EXOC4: variants seen among roughly 807,000 people sequenced by gnomAD.
The protein encoded by EXOC4 is exocyst complex component 4.
EXOC4 carries 71 observed loss-of-function variants against 107.2 expected under a neutral mutation model. That is an observed-to-expected ratio of 0.66 (90% CI 0.55 to 0.81). EXOC4 has a LOEUF of 0.81. EXOC4 is among the 30% of genes least tolerant of loss of function. The pLI, the probability that EXOC4 is intolerant of heterozygous loss-of-function variation, is 0.00. For missense variants in EXOC4, 1,108 were observed against 1,189.6 expected, an observed-to-expected ratio of 0.93 and a Z score of 1.01; for synonymous variants, 456 against 441.2, an observed-to-expected ratio of 1.03 and a Z score of -0.42.
At chr7:133,452,159 G>A (rs955560643) in intron 7 of EXOC4, among the ~76,000 whole-genome samples, 13 of 151,946 alleles carry the variant, frequency 8.6e-5, no homozygotes, top group African/African-American at 3.1e-4. Flanking sequence ...GGAAGGAACC[G>A]AAGACAAAAT....
chr7:133,310,576 T>C (rs557750922), intron 4 of EXOC4, among the ~76,000 whole-genome samples: 59 of 152,326 alleles, frequency 3.9e-4, no homozygotes, highest in African/African-American at 1.4e-3. Context: ...ATGGGAAGTC[T>C]GTATAATCAG....
At chr7:133,294,310 T>C (rs1043598731) in intron 3 of EXOC4, among the ~76,000 whole-genome samples, 1 of 152,182 alleles carries the variant, frequency 6.6e-6, no homozygotes. Flanking sequence ...TGCATCAAAC[T>C]AAAATTGCAC....
At chr7:133,946,990 G>A (rs1040511172) in intron 14 of EXOC4, among the ~76,000 whole-genome samples, 3 of 152,040 alleles carry the variant, frequency 2.0e-5, no homozygotes, top group Admixed American at 6.5e-5. Context: ...TTATTCCTTA[G>A]TCTAGGAGAC....
chr7:134,046,515 T>C (rs1314157154), intron 17 of EXOC4, among the ~76,000 whole-genome samples: 2 of 150,426 alleles, frequency 1.3e-5, no homozygotes, highest in East Asian at 1.9e-4. Context: ...CCCTCCTAAG[T>C]CATGGCCCTC....
chr7:133,787,923 G>C (rs1185723904), intron 10 of EXOC4, among the ~76,000 whole-genome samples: 1 of 126,848 alleles, frequency 7.9e-6, no homozygotes, highest in Non-Finnish European at 1.6e-5. Context: ...CACACAGGTA[G>C]CAACCTAGAT....
intron 10 of EXOC4, among the ~76,000 whole-genome samples, chr7:133,693,672 A>T (rs1026903609): frequency 2.6e-5 from 4 of 152,192 alleles, no homozygotes; most frequent in Non-Finnish European, 5.9e-5. Context: ...AATAAAAAAA[A>T]TATAAAATGC....
chr7:133,734,293 C>G (rs973630636), intron 10 of EXOC4, among the ~76,000 whole-genome samples: 4 of 152,102 alleles, frequency 2.6e-5, no homozygotes, highest in Admixed American at 1.3e-4. Context: ...AAAATTAAAC[C>G]TTTTAAGCCT....
chr7:133,571,157 T>C (rs1220196361), intron 9 of EXOC4, among the ~76,000 whole-genome samples: 1 of 152,196 alleles, frequency 6.6e-6, no homozygotes, highest in Non-Finnish European at 1.5e-5. Flanking sequence ...CTTATGTAGC[T>C]CTAGATCATG....
At chr7:133,950,963 A>G (rs902263065) in intron 14 of EXOC4, among the ~76,000 whole-genome samples, 1 of 152,194 alleles carries the variant, frequency 6.6e-6, no homozygotes, top group Non-Finnish European at 1.5e-5. Flanking sequence ...TTTCACAGAA[A>G]TCTTGGAAGT....
chr7:133,346,720 C>G, intron 5 of EXOC4, among the ~76,000 whole-genome samples: 1 of 152,080 alleles, frequency 6.6e-6, no homozygotes, highest in East Asian at 1.9e-4. Flanking sequence ...TCAATAGTGA[C>G]AGTTCTCATG....
intron 7 of EXOC4, among the ~76,000 whole-genome samples, chr7:133,409,181 A>G (rs925972254): frequency 2.0e-5 from 3 of 152,202 alleles, no homozygotes; most frequent in African/African-American, 7.2e-5. Flanking sequence ...AAAATTCAAT[A>G]ACAGAATGAT....
intron 10 of EXOC4, among the ~76,000 whole-genome samples, chr7:133,645,050 C>T (rs1802954355): frequency 6.6e-6 from 1 of 151,220 alleles, no homozygotes; most frequent in South Asian, 2.1e-4. Flanking sequence ...TCTGCTCATC[C>T]CTCAGCAACA....
chr7:133,835,428 TG>T (rs1563020153), intron 11 of EXOC4, among the ~76,000 whole-genome samples: 1 of 152,086 alleles, frequency 6.6e-6, no homozygotes, highest in Non-Finnish European at 1.5e-5. Flanking sequence ...CAGTTCGAAG[TG>T]GGACGGGGCT....
intron 11 of EXOC4, among the ~76,000 whole-genome samples, chr7:133,869,281 C>G (rs1269381372): frequency 1.3e-5 from 2 of 152,016 alleles, no homozygotes; most frequent in East Asian, 3.9e-4. Flanking sequence ...TCTTGAAATA[C>G]ATTGCAACGT....
chr7:133,977,739 T>G (rs77372255), intron 14 of EXOC4, among the ~76,000 whole-genome samples: 1,247 of 51,728 alleles, frequency 0.024, 14 homozygotes, highest in African/African-American at 0.07. Flanking sequence ...TTTGTTGTTT[T>G]GTGTGTGTGT....
chr7:133,837,800 T>C (rs1227703561), intron 11 of EXOC4, among the ~76,000 whole-genome samples: 2 of 152,234 alleles, frequency 1.3e-5, no homozygotes, highest in Admixed American at 6.5e-5. Context: ...TTGTATGTTA[T>C]GGTTTTCTCT....
intron 10 of EXOC4, among the ~76,000 whole-genome samples, chr7:133,785,322 ATCTGAGTATTTTC>A (rs1796545905): frequency 1.3e-5 from 2 of 151,940 alleles, no homozygotes; most frequent in Non-Finnish European, 2.9e-5. Context: ...ATTTGATCAA[ATCTGAGTATTTTC>A]AATACTCATT....
intron 3 of EXOC4, among the ~76,000 whole-genome samples, chr7:133,297,373 T>C (rs1794542417): frequency 6.6e-6 from 1 of 152,208 alleles, no homozygotes; most frequent in Non-Finnish European, 1.5e-5. Flanking sequence ...GGTCCTGATA[T>C]GACCTACTGC....
chr7:133,580,580 G>A (rs1003579472), intron 9 of EXOC4, among the ~76,000 whole-genome samples: 26 of 152,130 alleles, frequency 1.7e-4, no homozygotes, highest in Non-Finnish European at 3.7e-4. Context: ...ATTCAGAGAG[G>A]TGTAAAGTAA....
Sources: allele counts gnomAD v4.1 joint callset (sites outside exome capture counted in the v4.1 genomes callset), GRCh38; gene constraint gnomAD v4.1.1; transcripts MANE v1.5; gene names NCBI Gene and HGNC (gene_info 2026-07-23, HGNC 2026-07-21).